Variants in RBM47 observed in about 807,000 individuals in gnomAD.
The protein encoded by RBM47 is RNA binding motif protein 47.
A neutral mutation model predicts 47.1 loss-of-function variants in RBM47; 21 were observed. The ratio of observed to expected loss-of-function variants is 0.45; its 90% CI spans 0.32 to 0.64. RBM47 has a LOEUF of 0.64. RBM47 is among the 30% of genes least tolerant of loss of function. RBM47 has a pLI of 0.05. For missense variants in RBM47, 708 were observed against 870.9 expected (o/e 0.81, Z 2.35); for synonymous variants, 375 against 361.7 (o/e 1.04, Z -0.42).
chr4:40,437,720 T>C (rs745387878), intron 4 of RBM47, 51 bp downstream of exon 4: 7 of 1,507,242 alleles, frequency 4.6e-6, no homozygotes, highest in Non-Finnish European at 6.4e-6. Context: ...GCCCCCTGCC[T>C]AGGAGGCAAC....
intron 1 of RBM47, among the ~76,000 whole-genome samples, chr4:40,555,119 T>C (rs1729953033): frequency 6.6e-6 from 1 of 152,218 alleles, no homozygotes; most frequent in South Asian, 2.1e-4. Context: ...GTATTTTTAC[T>C]AGAGATGGGG....
At chr4:40,574,786 G>T (rs1732131152) in intron 1 of RBM47, among the ~76,000 whole-genome samples, 1 of 152,130 alleles carries the variant, frequency 6.6e-6, no homozygotes, top group Non-Finnish European at 1.5e-5. Flanking sequence ...GGAGGCAGAG[G>T]TTGCATTGAG....
Position 40,425,840 on chromosome 4 carries a change from CATAA to C in RBM47, c.*60_*63del. 6.4e-7 allele frequency: 1 copy of C among 1,565,822 alleles called. No individual in the cohort carries two copies. On this transcript the variant is annotated 3_prime_UTR_variant, in exon 7 of 7. Transcript: ENST00000295971. ...GTGTGAATCCAACATGTTCCTTCTT[CATAA>C]ATAGTCAAGCGTTCCTTCAGTGGTG...
At chr4:40,559,741 C>T (rs1021329004) in intron 1 of RBM47, among the ~76,000 whole-genome samples, 17 of 151,996 alleles carry the variant, frequency 1.1e-4, no homozygotes, top group Non-Finnish European at 1.5e-4. Context: ...GTTGTTTTTG[C>T]GAAGTCAGGC....
chr4:40,469,164 G>A (rs920728255), intron 2 of RBM47, among the ~76,000 whole-genome samples: 1 of 152,060 alleles, frequency 6.6e-6, no homozygotes, highest in Non-Finnish European at 1.5e-5. Flanking sequence ...TTTCTGTAAT[G>A]GTAAAATGTC....
At chr4:40,473,468 T>C (rs1719199979) in intron 2 of RBM47, among the ~76,000 whole-genome samples, 1 of 152,174 alleles carries the variant, frequency 6.6e-6, no homozygotes, top group Admixed American at 6.5e-5. Context: ...AGAGTCAACA[T>C]GAGGAGTTAA....
intron 2 of RBM47, among the ~76,000 whole-genome samples, chr4:40,480,898 A>C (rs1257625711): frequency 6.6e-6 from 1 of 152,148 alleles, no homozygotes; most frequent in Non-Finnish European, 1.5e-5. Flanking sequence ...GAAGACACCT[A>C]TTACCAAGTC....
chr4:40,494,426 T>C (rs1242243464), intron 2 of RBM47, among the ~76,000 whole-genome samples: 1 of 152,182 alleles, frequency 6.6e-6, no homozygotes, highest in Non-Finnish European at 1.5e-5. Context: ...GTCAAATACT[T>C]AGTGTCCTCA....
intron 1 of RBM47, among the ~76,000 whole-genome samples, chr4:40,580,394 C>T (rs1228235962): frequency 1.3e-5 from 2 of 152,078 alleles, no homozygotes; most frequent in African/African-American, 4.8e-5. Context: ...TCTCTTCTTC[C>T]TGGGTCTGAG....
At chr4:40,590,943 C>T (rs1734080789) in intron 1 of RBM47, among the ~76,000 whole-genome samples, 1 of 152,188 alleles carries the variant, frequency 6.6e-6, no homozygotes, top group South Asian at 2.1e-4. Context: ...GCTGGGACCA[C>T]AGGCACCCAC....
intron 2 of RBM47, 76 bp from the exon 3 acceptor site, chr4:40,466,775 G>C (rs577442634): frequency 2.6e-5 from 3 of 113,422 alleles, no homozygotes; most frequent in African/African-American, 9.8e-5. Context: ...AGAAATTGGG[G>C]GGGGGGGGGC....
intron 5 of RBM47, among the ~76,000 whole-genome samples, chr4:40,433,854 A>G (rs1027490433): frequency 3.1e-4 from 47 of 152,328 alleles, no homozygotes; most frequent in African/African-American, 1.1e-3. Flanking sequence ...GGGACCTCCC[A>G]ATTCAAAGAA....
intron 2 of RBM47, among the ~76,000 whole-genome samples, chr4:40,508,264 A>G (rs926661066): frequency 1.3e-5 from 2 of 152,244 alleles, no homozygotes; most frequent in Non-Finnish European, 2.9e-5. Context: ...TGTACAAAAC[A>G]GCAGCAGTCA....
intron 2 of RBM47, among the ~76,000 whole-genome samples, chr4:40,541,275 A>AG (rs1375178876): frequency 6.6e-6 from 1 of 152,040 alleles, no homozygotes; most frequent in Admixed American, 6.6e-5. Flanking sequence ...AAAAAAAAAA[A>AG]AAAAAATCGC....
chr4:40,618,428 T>C (rs917906101), intron 1 of RBM47, among the ~76,000 whole-genome samples: 1 of 151,558 alleles, frequency 6.6e-6, no homozygotes, highest in Non-Finnish European at 1.5e-5. Flanking sequence ...TCTCTAAAAA[T>C]AAAATAAAAT....
rs189408079 is a variant in RBM47, at chr4:40,476,061, C to T, written c.-154-9362G>A. 5.3e-5 allele frequency among the ~76,000 whole-genome samples: 8 copies of T among 152,186 alleles called. No homozygotes were observed. The East Asian group carries it at 1.4e-3, about 26-fold the overall frequency. On this transcript the variant is annotated intron_variant, in intron 2 of 6. Coordinates refer to ENST00000295971, the MANE Select transcript of RBM47 (RefSeq NM_001098634.2). ...ATTTTATTCAAACCCAAATAACGAC[C>T]GTAAGGAAACAAATGATTTTTCAAA... is the stretch of plus-strand genomic sequence containing the variant.
chr4:40,577,645 TA>T (rs10624014), intron 1 of RBM47, among the ~76,000 whole-genome samples: 8 of 146,780 alleles, frequency 5.5e-5, no homozygotes, highest in South Asian at 2.2e-4. Flanking sequence ...ATCTCATACT[TA>T]AAAAAAAAAA....
chr4:40,437,607 C>T (rs1712850947), intron 4 of RBM47, among the ~76,000 whole-genome samples, 164 bp downstream of exon 4: 2 of 152,142 alleles, frequency 1.3e-5, no homozygotes, highest in Admixed American at 1.3e-4. Context: ...TGACGGCCTT[C>T]GGTGCCAGGA....
At position 40,438,925 on chromosome 4, in the gene RBM47, C is replaced by CTGGGGAAGCAGAAAGAAGCGTGAG. The variant is rs1223078794; in HGVS notation, c.-31-25_-31-2dup. 2.7e-6 allele frequency: 4 copies of CTGGGGAAGCAGAAAGAAGCGTGAG among 1,499,324 alleles called. No homozygotes were observed. Among genetic ancestry groups the CTGGGGAAGCAGAAAGAAGCGTGAG allele is most frequent in the Non-Finnish European group, 3.6e-6 (4 of 1,126,726 alleles). 92.9% of individuals were successfully genotyped at this position (1,499,324 alleles called of 1,614,324 possible). Reference sequence around the variant, plus strand: ...AAAGGCATCCACAGCTGGCGGAAACCTGGGGAAGCAGAAAGAAGCGTGAGT... The same window carrying CTGGGGAAGCAGAAAGAAGCGTGAG: ...AAAGGCATCCACAGCTGGCGGAAACCTGGGGAAGCAGAAAGAAGCGTGAGTGGGGAAGCAGAAAGAAGCGTGAGT... On this transcript the variant is annotated splice_acceptor_variant, in intron 3 of 6. Transcript: ENST00000295971. LOFTEE classifies it low-confidence loss of function (5UTR_SPLICE).
Sources: allele counts gnomAD v4.1 joint callset (sites outside exome capture counted in the v4.1 genomes callset), GRCh38; gene constraint gnomAD v4.1.1; transcripts MANE v1.5; gene names NCBI Gene and HGNC (gene_info 2026-07-23, HGNC 2026-07-21).